The following PTPRG variants were observed in gnomAD, a reference collection of about 807,000 sequenced individuals.
PTPRG encodes protein tyrosine phosphatase receptor type G, also known as receptor-type tyrosine-protein phosphatase gamma.
PTPRG carries 102 observed loss-of-function variants against 165.3 expected under a neutral mutation model. The observed-to-expected ratio is 0.62, with a 90% confidence interval of 0.53 to 0.73. The LOEUF is 0.73. PTPRG is among the 30% of genes least tolerant of loss of function. PTPRG has a pLI of 0.00. For missense variants in PTPRG, 1,866 were observed against 1,861.4 expected, an observed-to-expected ratio of 1.00 and a Z score of -0.05; for synonymous variants, 675 against 669.5, an observed-to-expected ratio of 1.01 and a Z score of -0.13.
At chr3:62,175,256 A>AT (rs953818212) in intron 8 of PTPRG, among the ~76,000 whole-genome samples, 1 of 152,192 alleles carries the variant, frequency 6.6e-6, no homozygotes, top group Non-Finnish European at 1.5e-5. Flanking sequence ...TATGTCAGAC[A>AT]TTTTTTCTAG....
chr3:62,162,916 C>T (rs1265880368), intron 7 of PTPRG, among the ~76,000 whole-genome samples: 2 of 152,178 alleles, frequency 1.3e-5, no homozygotes, highest in African/African-American at 4.8e-5. Flanking sequence ...CTATAAAGAA[C>T]TACCTGAGAC....
chr3:61,993,152 CTT>C (rs879341940), intron 3 of PTPRG, among the ~76,000 whole-genome samples: 1 of 136,934 alleles, frequency 7.3e-6, no homozygotes. Context: ...TAACCTATTT[CTT>C]TTTTTTTTTT....
In PTPRG at chr3:62,021,253, C is replaced by T. The variant is rs1025400289; in HGVS notation, c.519+17756C>T. Among the ~76,000 whole-genome samples, 12 of 152,228 alleles carry T rather than the reference C, an allele frequency of 7.9e-5. No homozygotes were observed. In the South Asian group the frequency reaches 1.0e-3, roughly 13 times the overall value. ...GGATGCAATACATTGTTGGACCTTT[C>T]GGCTCTTTCTGTTGGTCTGTCTTAT... is the stretch of plus-strand genomic sequence containing the variant. On this transcript the variant is annotated intron_variant, in intron 4 of 29. Transcript: ENST00000474889.
intron 2 of PTPRG, among the ~76,000 whole-genome samples, chr3:61,935,907 C>T (rs972012323): frequency 1.5e-4 from 23 of 151,892 alleles, no homozygotes; most frequent in African/African-American, 4.1e-4. Flanking sequence ...CTTCAAAATG[C>T]GTGTTGAAAC....
At chr3:61,860,663 C>T (rs994361279) in intron 2 of PTPRG, among the ~76,000 whole-genome samples, 3 of 151,928 alleles carry the variant, frequency 2.0e-5, no homozygotes, top group African/African-American at 4.8e-5. Flanking sequence ...AGACTGGTCT[C>T]GAACTCCTGA....
In PTPRG at chr3:62,148,609, C is replaced by G. The variant is rs113011150; in HGVS notation, c.683-8458C>G. ...TGAAACCCTGTCTCTACTAAAAATA[C>G]AAAAAATTAGTTGGGCGTGGTGGCG... is the stretch of plus-strand genomic sequence containing the variant. On this transcript the variant is annotated intron_variant, in intron 6 of 29. Coordinates refer to ENST00000474889, the MANE Select transcript of PTPRG (RefSeq NM_002841.4). 4.4e-3 allele frequency among the ~76,000 whole-genome samples: 672 copies of G among 151,804 alleles called. 10 individuals carry two copies. Among genetic ancestry groups the G allele is most frequent in the African/African-American group, 0.015 (630 of 41,398 alleles).
chr3:61,891,303 A>T (rs1055045770), intron 2 of PTPRG, among the ~76,000 whole-genome samples: 1 of 152,206 alleles, frequency 6.6e-6, no homozygotes, highest in Non-Finnish European at 1.5e-5. Context: ...TCCAAAAAAA[A>T]TAAAAATACA....
chr3:61,794,807 G>C (rs1267575717), intron 2 of PTPRG, among the ~76,000 whole-genome samples: 1 of 152,276 alleles, frequency 6.6e-6, no homozygotes, highest in Admixed American at 6.5e-5. Context: ...CCTGTGGATA[G>C]AGTCGGTCTC....
chr3:61,883,684 T>C (rs2037949852), intron 2 of PTPRG, among the ~76,000 whole-genome samples: 1 of 152,134 alleles, frequency 6.6e-6, no homozygotes, highest in Non-Finnish European at 1.5e-5. Flanking sequence ...GTTGAAATAG[T>C]TACCTTGTCA....
chr3:61,655,808 A>G (rs981100263), intron 1 of PTPRG, among the ~76,000 whole-genome samples: 8 of 152,116 alleles, frequency 5.3e-5, no homozygotes, highest in African/African-American at 1.9e-4. Flanking sequence ...GGATCTCCCA[A>G]TGTTGCCTAG....
At chr3:61,770,452 A>G (rs2034173952) in intron 2 of PTPRG, 1 of 152,188 alleles carries the variant, frequency 6.6e-6, no homozygotes, top group African/African-American at 2.4e-5. Context: ...AAACTGCTGA[A>G]TATACATACG....
chr3:61,953,971 T>C (rs1317677441), intron 2 of PTPRG, among the ~76,000 whole-genome samples: 1 of 152,226 alleles, frequency 6.6e-6, no homozygotes, highest in Non-Finnish European at 1.5e-5. Flanking sequence ...TACATAAGAC[T>C]AAGTTGCAAA....
chr3:61,841,964 A>G (rs1194513862), intron 2 of PTPRG, among the ~76,000 whole-genome samples: 1 of 152,244 alleles, frequency 6.6e-6, no homozygotes, highest in Non-Finnish European at 1.5e-5. Flanking sequence ...ACTCTATGAC[A>G]GTCATTGTAG....
chr3:62,233,096 T>C lies in PTPRG; in HGVS notation c.2375+1785T>C, dbSNP rs1700943371. Among the ~76,000 whole-genome samples, 1 of 152,170 alleles carries C rather than the reference T, an allele frequency of 6.6e-6. No individual in the cohort carries two copies. Among genetic ancestry groups the C allele is most frequent in the Non-Finnish European group, 1.5e-5 (1 of 68,030 alleles). On this transcript the variant is annotated intron_variant, in intron 14 of 29. Coordinates refer to ENST00000474889, the MANE Select transcript of PTPRG (RefSeq NM_002841.4). This position sits in a 1 kb window ranked among gnomAD's most constrained non-coding sequence, Gnocchi z 4.7. ...GAAATATATTAACCCATTGAGAAGA[T>C]GAGGAAATTCAGGCTCTGAGAAGTT... is the stretch of plus-strand genomic sequence containing the variant.
chr3:62,291,709 C>A (rs1019589966), intron 28 of PTPRG, among the ~76,000 whole-genome samples: 3 of 152,156 alleles, frequency 2.0e-5, no homozygotes, highest in Non-Finnish European at 1.5e-5. Flanking sequence ...TTGAACAATT[C>A]ATTTAATCCA....
At chr3:61,669,510 A>C (rs746919854) in intron 1 of PTPRG, among the ~76,000 whole-genome samples, 21 of 152,100 alleles carry the variant, frequency 1.4e-4, no homozygotes, top group Non-Finnish European at 2.5e-4. Flanking sequence ...CTCTTCCTAG[A>C]CTTTACTGTC....
At chr3:62,118,889 T>A (rs1318785630) in intron 5 of PTPRG, among the ~76,000 whole-genome samples, 2 of 152,324 alleles carry the variant, frequency 1.3e-5, no homozygotes, top group South Asian at 4.1e-4. Flanking sequence ...CTCTTTGAAC[T>A]CTCTAGATAC....
At chr3:62,167,398 A>G (rs1434843341) in intron 7 of PTPRG, among the ~76,000 whole-genome samples, 1 of 152,164 alleles carries the variant, frequency 6.6e-6, no homozygotes, top group Admixed American at 6.5e-5. Context: ...AGCTCTTATG[A>G]TATACTAGGA....
chr3:61,565,811 C>T (rs1040513978), intron 1 of PTPRG, among the ~76,000 whole-genome samples: 1 of 151,668 alleles, frequency 6.6e-6, no homozygotes, highest in East Asian at 1.9e-4. Flanking sequence ...TCCCTCTAAG[C>T]TGTCTCTTAT....
Sources: allele counts gnomAD v4.1 joint callset (sites outside exome capture counted in the v4.1 genomes callset), GRCh38; gene constraint gnomAD v4.1.1; non-coding constraint Gnocchi (gnomAD v3.1); transcripts MANE v1.5; gene names NCBI Gene and HGNC (gene_info 2026-07-23, HGNC 2026-07-21).